SPAG1: variants seen among roughly 807,000 people sequenced by gnomAD.
The protein encoded by SPAG1 is sperm associated antigen 1.
A neutral mutation model predicts 100.5 loss-of-function variants in SPAG1; 69 were observed. The ratio of observed to expected loss-of-function variants is 0.69; its 90% confidence interval spans 0.57 to 0.84. SPAG1 has a LOEUF of 0.84. SPAG1 is among the 40% of genes least tolerant of loss of function. The pLI, the probability that SPAG1 is intolerant of heterozygous loss-of-function variation, is 0.00. For synonymous variants in SPAG1, 336 were observed against 411.6 expected, an observed-to-expected ratio of 0.82 and a Z score of 2.22; for missense variants, 955 against 1,133.1, an observed-to-expected ratio of 0.84 and a Z score of 2.26.
chr8:100,231,919 A>G (rs979307998), intron 15 of SPAG1, among the ~76,000 whole-genome samples: 1 of 151,004 alleles, frequency 6.6e-6, no homozygotes, highest in African/African-American at 2.4e-5. Flanking sequence ...CCGAGATAGC[A>G]CCACTGCAGT....
intron 10 of SPAG1, among the ~76,000 whole-genome samples, chr8:100,208,611 T>G (rs1817601446): frequency 6.6e-6 from 1 of 152,238 alleles, no homozygotes; most frequent in South Asian, 2.1e-4. Context: ...GGACTGTAAT[T>G]GTCATGAGTA....
At chr8:100,221,835 T>C (rs1471684473) in intron 13 of SPAG1, among the ~76,000 whole-genome samples, 2 of 152,142 alleles carry the variant, frequency 1.3e-5, no homozygotes, top group Admixed American at 1.3e-4. Flanking sequence ...TCAAGGTAAG[T>C]TTTAAAATCA....
intron 1 of SPAG1, among the ~76,000 whole-genome samples, chr8:100,159,472 T>C (rs1270676705): frequency 6.6e-6 from 1 of 152,216 alleles, no homozygotes; most frequent in Non-Finnish European, 1.5e-5. Context: ...AGGTCTGATA[T>C]ATGACCAGAC....
intron 14 of SPAG1, among the ~76,000 whole-genome samples, chr8:100,226,895 T>C (rs1818540092): frequency 6.6e-6 from 1 of 152,212 alleles, no homozygotes; most frequent in East Asian, 1.9e-4. Context: ...TTATATACTG[T>C]AACTTTACTG....
intron 10 of SPAG1, chr8:100,194,546 C>T (rs1191026757): frequency 3.8e-6 from 2 of 525,280 alleles, no homozygotes; most frequent in Non-Finnish European, 6.7e-6. Flanking sequence ...TGACACAGAC[C>T]ATTTGCCAGT....
chr8:100,239,401 A>G lies in SPAG1; in HGVS notation c.2277A>G (p.Gln759=). 6.3e-7 allele frequency: 1 copy of G among 1,589,496 alleles called. No individual in the cohort carries two copies. Among genetic ancestry groups the G allele is most frequent in the Non-Finnish European group, 8.6e-7 (1 of 1,157,772 alleles). ...KEKERRKIEI[Q]EVNEGKEEPG... is the part of the protein sequence containing the mutation. ...AGGAGAGAAGGAAAATTGAGATTCA[A>G]GAGGTATTTGTATTTGATTATCTTT... Residue 759 remains glutamine (Q), a synonymous_variant, in exon 17 of 19, where the codon CAA becomes CAG. Transcript: ENST00000388798. The surrounding 1 kb of genome is among the most constrained non-coding windows in gnomAD (Gnocchi z 5.0).
intron 12 of SPAG1, among the ~76,000 whole-genome samples, chr8:100,214,885 C>G (rs564368461): frequency 1.5e-3 from 222 of 151,128 alleles, no homozygotes; most frequent in African/African-American, 5.2e-3. Context: ...GAGGCTGAAG[C>G]AGGAAAATTG....
chr8:100,195,307 T>C (rs1816989571), intron 10 of SPAG1, among the ~76,000 whole-genome samples: 1 of 152,158 alleles, frequency 6.6e-6, no homozygotes, highest in South Asian at 2.1e-4. Context: ...TTGTAAGTAA[T>C]TTGACAGAAT....
At chr8:100,214,512 A>G (rs1817879796) in intron 12 of SPAG1, among the ~76,000 whole-genome samples, 1 of 152,164 alleles carries the variant, frequency 6.6e-6, no homozygotes, top group African/African-American at 2.4e-5. Context: ...GGTCATCTGC[A>G]GGCCTGTAAC....
intron 3 of SPAG1, among the ~76,000 whole-genome samples, chr8:100,171,865 C>T (rs918822836): frequency 6.6e-6 from 1 of 152,100 alleles, no homozygotes; most frequent in Admixed American, 6.6e-5. Context: ...TTCCTGACTC[C>T]GTCAGGCCAG....
At chr8:100,217,401 G>GGAGCATTGGTT (rs1270803964) in intron 12 of SPAG1, among the ~76,000 whole-genome samples, 2 of 152,154 alleles carry the variant, frequency 1.3e-5, no homozygotes, top group African/African-American at 4.8e-5. Flanking sequence ...TTACCTCTGA[G>GGAGCATTGGTT]GAGCATTGGT....
chr8:100,194,778 G>A (rs900385460), intron 10 of SPAG1: 12 of 173,516 alleles, frequency 6.9e-5, no homozygotes, highest in Non-Finnish European at 1.2e-4. Flanking sequence ...ATCTAGACTA[G>A]ATAAAGGGTT....
At chr8:100,233,027 T>A (rs1818847871) in intron 15 of SPAG1, 3 of 271,682 alleles carry the variant, frequency 1.1e-5, no homozygotes, top group Non-Finnish European at 2.1e-5. Context: ...AATTCTTAAC[T>A]TCATACTCTG....
chr8:100,200,917 A>C (rs938154276), intron 10 of SPAG1, among the ~76,000 whole-genome samples: 2 of 151,846 alleles, frequency 1.3e-5, no homozygotes, highest in Admixed American at 6.6e-5. Flanking sequence ...CTCTGTTGGT[A>C]GTTTCTTTTG....
In SPAG1 at chr8:100,194,226, G is replaced by A. The variant is rs1816932265; in HGVS notation, c.1054G>A (p.Gly352Arg). 3 of 1,603,674 alleles carry A rather than the reference G, an allele frequency of 1.9e-6. No homozygotes were observed. The highest frequency in any genetic ancestry group is 1.7e-6 in the Non-Finnish European group (2 of 1,173,146). ...AATAGAAAACTCCGAAGATGAAGAA[G>A]GAAAAAGCGGAAGAAAACATGAAGA... ...QEIENSEDEEGKSGRKHEDGG... is the reference protein window; with the variant it reads ...QEIENSEDEERKSGRKHEDGG... Residue 352 changes from glycine (G) to arginine (R), a missense_variant, in exon 10 of 19, where the codon GGA (glycine) becomes AGA (arginine). Transcript: ENST00000388798.
chr8:100,216,183 A>T (rs1455053017), intron 12 of SPAG1, among the ~76,000 whole-genome samples: 1 of 152,138 alleles, frequency 6.6e-6, no homozygotes, highest in Non-Finnish European at 1.5e-5. Flanking sequence ...AGTGCTCCTA[A>T]CAGACCAGAC....
At chr8:100,221,375 A>AC (rs1290988175) in intron 13 of SPAG1, among the ~76,000 whole-genome samples, 1 of 152,170 alleles carries the variant, frequency 6.6e-6, no homozygotes, top group African/African-American at 2.4e-5. Context: ...TGACCTATTT[A>AC]CCCCCAGCGT....
rs747652353 is a variant in SPAG1 at position 100,225,301 on chromosome 8, C to T, written c.1817C>T (p.Ala606Val). ...GCAAAAGAGATGATCTCAAAACAAG[C>T]AGGAGACTCCAGCAGCCATCGCCAG... Reference protein sequence around the residue: ...HPAKEMISKQAGDSSSHRQQG... With the variant: ...HPAKEMISKQVGDSSSHRQQG... The change falls in exon 14 of 19, where the codon GCA becomes GTA. Residue 606 changes from alanine to valine, a missense_variant. Coordinates refer to ENST00000388798, the MANE Select transcript of SPAG1 (RefSeq NM_003114.5). The T allele has an allele frequency of 1.2e-6, 2 of 1,613,742 alleles. No individual in the cohort carries two copies. The highest frequency in any genetic ancestry group is 1.3e-5 in the African/African-American group (1 of 74,878).
chr8:100,165,819 G>A lies in SPAG1; in HGVS notation c.146G>A (p.Gly49Asp), dbSNP rs373595762. 2.6e-5 allele frequency: 42 copies of A among 1,611,176 alleles called. No homozygotes were observed. The African/African-American group carries it at 5.1e-4, about 19-fold the overall frequency. ...LEKILCVLRS[G>D]EEGYYPELTE... Reference sequence around the variant, plus strand: ...CTTATTTATTTCTTTTTAAGATCTGGTGAGGAAGGATATTATCCTGAACTT... The same window carrying A: ...CTTATTTATTTCTTTTTAAGATCTGATGAGGAAGGATATTATCCTGAACTT... Residue 49 changes from glycine to aspartate, a missense_variant, in exon 3 of 19, where the codon GGT (glycine) becomes GAT (aspartate). Transcript: ENST00000388798.
Sources: gnomAD v4.1 joint callset for allele counts (sites outside exome capture counted in the v4.1 genomes callset) on GRCh38, gnomAD v4.1.1 for gene constraint, Gnocchi (gnomAD v3.1) non-coding constraint, MANE v1.5 for transcripts, NCBI Gene and HGNC (gene_info 2026-07-23, HGNC 2026-07-21) for gene names.